Variants in SIPA1L2 observed in about 807,000 individuals in gnomAD.
SIPA1L2 encodes the protein signal induced proliferation associated 1 like 2.
SIPA1L2 carries 56 observed loss-of-function variants against 163.9 expected under a neutral mutation model. That is an observed-to-expected ratio of 0.34 (90% CI 0.28 to 0.43). The LOEUF (loss-of-function observed/expected upper bound fraction) is 0.43. Among genes scored for constraint, SIPA1L2 ranks in the 20% least tolerant of loss-of-function variants. The pLI, the probability that SIPA1L2 is intolerant of heterozygous loss-of-function variation, is 1.00. For missense variants in SIPA1L2, 1,974 were observed against 2,193.5 expected (o/e 0.90, Z 2.00); for synonymous variants, 877 against 865.7 (o/e 1.01, Z -0.23).
At chr1:232,475,259 A>G (rs927390167) in intron 7 of SIPA1L2, among the ~76,000 whole-genome samples, 1 of 152,066 alleles carries the variant, frequency 6.6e-6, no homozygotes, top group African/African-American at 2.4e-5. Flanking sequence ...TGTCCCTCCT[A>G]CAGAACAACT....
At chr1:232,425,448 T>A in intron 18 of SIPA1L2, 141 bp downstream of exon 18, 1 of 619,506 alleles carries the variant, frequency 1.6e-6, no homozygotes, top group Non-Finnish European at 2.4e-6. Flanking sequence ...TTGAAAATTA[T>A]TTAAAACACC....
chr1:232,468,539 C>T (rs1572944466), intron 8 of SIPA1L2, among the ~76,000 whole-genome samples: 2 of 152,140 alleles, frequency 1.3e-5, no homozygotes, highest in Admixed American at 1.3e-4. Context: ...TACCCAAAAG[C>T]CCATTGTAAG....
chr1:232,515,694 C>G lies in SIPA1L2; in HGVS notation c.-269-86G>C, dbSNP rs376992671. 1.4e-5 allele frequency: 3 copies of G among 207,590 alleles called. No homozygotes were observed. The South Asian group carries it at 3.2e-4, about 22-fold the overall frequency. 12.9% of individuals were successfully genotyped at this position (207,590 alleles called of 1,614,324 possible). On this transcript the variant is annotated intron_variant, in intron 2 of 22. Transcript: ENST00000674635. Reference sequence around the variant, plus strand: ...TATGATAAATTTCGTATCTGTCTTTCCCCTCTGCTTCTGCCCACAAAGTTT... The same window carrying G: ...TATGATAAATTTCGTATCTGTCTTTGCCCTCTGCTTCTGCCCACAAAGTTT...
intron 2 of SIPA1L2, among the ~76,000 whole-genome samples, chr1:232,548,215 G>C (rs934736958): frequency 2.0e-5 from 3 of 152,170 alleles, no homozygotes; most frequent in Non-Finnish European, 4.4e-5. Flanking sequence ...AAATCTCCAA[G>C]GGTTCTAATG....
chr1:232,530,155 G>A (rs1033100488), intron 2 of SIPA1L2, among the ~76,000 whole-genome samples: 11 of 150,840 alleles, frequency 7.3e-5, no homozygotes, highest in South Asian at 2.1e-4. Context: ...TTGCTCTGTC[G>A]CCAGGCTGGA....
At chr1:232,529,454 C>A (rs1667869275) in intron 2 of SIPA1L2, among the ~76,000 whole-genome samples, 1 of 152,196 alleles carries the variant, frequency 6.6e-6, no homozygotes, top group Non-Finnish European at 1.5e-5. Context: ...AAGCTGGGCA[C>A]AGAAGAATGG....
chr1:232,438,766 G>A (rs11582554), intron 15 of SIPA1L2, among the ~76,000 whole-genome samples: 1,919 of 152,304 alleles, frequency 0.013, 48 homozygotes, highest in African/African-American at 0.042. Context: ...ATGGTCTGAA[G>A]ATTAGTGAGT....
At chr1:232,550,923 C>CAA (rs1341200303) in intron 2 of SIPA1L2, among the ~76,000 whole-genome samples, 3 of 152,114 alleles carry the variant, frequency 2.0e-5, no homozygotes, top group Non-Finnish European at 4.4e-5. Flanking sequence ...TGGCTTAAAG[C>CAA]AGAGTGCCAT....
chr1:232,477,662 G>C (rs1665114131), intron 7 of SIPA1L2, among the ~76,000 whole-genome samples: 1 of 152,128 alleles, frequency 6.6e-6, no homozygotes, highest in African/African-American at 2.4e-5. Context: ...CTGCTTTGCT[G>C]TCCTGATTTT....
intron 2 of SIPA1L2, among the ~76,000 whole-genome samples, chr1:232,543,683 A>G (rs1657832333): frequency 6.6e-6 from 1 of 152,172 alleles, no homozygotes; most frequent in Non-Finnish European, 1.5e-5. Context: ...AGCCTAGGCA[A>G]CACAGCAGGC....
rs1558172080 is a variant in SIPA1L2 at position 232,432,450 on chromosome 1, G to C, written c.4053C>G (p.Ser1351Arg). 6.2e-7 allele frequency: 1 copy of C among 1,614,214 alleles called. No individual in the cohort carries two copies. Among genetic ancestry groups the C allele is most frequent in the South Asian group, 1.1e-5 (1 of 91,080 alleles). Reference protein sequence around the residue: ...SHSSGSHHSGSPSAHCSKSSG... With the variant: ...SHSSGSHHSGRPSAHCSKSSG... ...TACTTTTTGAACAGTGAGCTGAAGG[G>C]CTTCCTGAATGGTGAGAACCACTGA... is the stretch of plus-strand genomic sequence containing the variant. The change falls in exon 16 of 23, where the codon AGC becomes AGG. Residue 1351 changes from serine to arginine, a missense_variant. Ser to Arg is a moderately radical substitution (Grantham distance 110, BLOSUM62 -1). Around this residue, in one of 3 missense-constraint regions of SIPA1L2, gnomAD observed 1,079 missense variants for 1,150.7 expected, o/e 0.94. Transcript: ENST00000674635.
chr1:232,516,545 C>G (rs1368961384), intron 2 of SIPA1L2, among the ~76,000 whole-genome samples: 1 of 152,136 alleles, frequency 6.6e-6, no homozygotes, highest in African/African-American at 2.4e-5. Context: ...TACTCATTTT[C>G]CCTGTTTGCC....
chr1:232,586,156 C>G (rs1660643390), intron 1 of SIPA1L2, among the ~76,000 whole-genome samples: 1 of 152,150 alleles, frequency 6.6e-6, no homozygotes, highest in African/African-American at 2.4e-5. Context: ...TGTCTCCGCA[C>G]AGCGATACAG....
intron 14 of SIPA1L2, among the ~76,000 whole-genome samples, chr1:232,440,292 T>TCAG (rs1161565199): frequency 2.0e-5 from 3 of 152,220 alleles, no homozygotes; most frequent in Admixed American, 1.3e-4. Context: ...ATCTGAAGCA[T>TCAG]CAGCAAAGGG....
In SIPA1L2 at chr1:232,444,448, T is replaced by C. The variant is rs78149740; in HGVS notation, c.3354-763A>G. ...TTTGAATATGGGAAAGTTATAAACT[T>C]AGCCGACTTTTGAGTTGGGAGACCC... On this transcript the variant is annotated intron_variant, in intron 11 of 22. Transcript: ENST00000674635. Among the ~76,000 whole-genome samples, 1,101 of 152,310 alleles carry C rather than the reference T, an allele frequency of 7.2e-3. 7 individuals carry two copies. Among genetic ancestry groups the C allele is most frequent in the Non-Finnish European group, 0.011 (731 of 68,028 alleles).
At chr1:232,495,092 G>C (rs1321478543) in intron 3 of SIPA1L2, among the ~76,000 whole-genome samples, 1 of 152,158 alleles carries the variant, frequency 6.6e-6, no homozygotes, top group Non-Finnish European at 1.5e-5. Flanking sequence ...ATCAGCAAAG[G>C]AAAACAGCAC....
At position 232,514,796 on chromosome 1, in the gene SIPA1L2, G is replaced by A; in HGVS notation, c.544C>T (p.Pro182Ser). 1 of 1,614,152 alleles carries A rather than the reference G, an allele frequency of 6.2e-7. No individual in the cohort carries two copies. The highest frequency in any genetic ancestry group is 8.5e-7 in the Non-Finnish European group (1 of 1,180,028). ...CTGTGCAGGGCAGCCCCGGTGTTGG[G>A]GTTGACTGCATTTTGGTCTAAGACA... is the stretch of plus-strand genomic sequence containing the variant. ...EDVLDQNAVNPNTGAALHREY... is the reference protein window; with the variant it reads ...EDVLDQNAVNSNTGAALHREY... The change falls in exon 3 of 23, where the codon CCC becomes TCC. Residue 182 changes from proline to serine, a missense_variant. Around this residue, in one of 3 missense-constraint regions of SIPA1L2, gnomAD observed 607 missense variants for 624.0 expected, o/e 0.97. Transcript: ENST00000674635.
At chr1:232,405,362 C>G (rs747699228) in intron 19 of SIPA1L2, among the ~76,000 whole-genome samples, 2 of 152,260 alleles carry the variant, frequency 1.3e-5, no homozygotes, top group Non-Finnish European at 2.9e-5. Context: ...AGATGATAAA[C>G]ATTCTATAAC....
chr1:232,438,555 A>G (rs1453642312), intron 15 of SIPA1L2, among the ~76,000 whole-genome samples: 1 of 152,254 alleles, frequency 6.6e-6, no homozygotes, highest in African/African-American at 2.4e-5. Context: ...AGTACTTAGA[A>G]TCCAGTTCCT....
Sources: gnomAD v4.1 joint callset for allele counts (sites outside exome capture counted in the v4.1 genomes callset) on GRCh38, gnomAD v4.1.1 for gene constraint, gnomAD v4.1.1 regional missense constraint, MANE v1.5 for transcripts, NCBI Gene and HGNC (gene_info 2026-07-23, HGNC 2026-07-21) for gene names.